The following C6orf62 variants were observed in gnomAD, a reference collection of about 807,000 sequenced individuals.
C6orf62 encodes uncharacterized protein C6orf62.
A neutral mutation model predicts 26.8 loss-of-function variants in C6orf62; 16 were observed. That is an observed-to-expected ratio of 0.60 (90% confidence interval 0.40 to 0.91). C6orf62 has a LOEUF of 0.91. Among genes scored for constraint, C6orf62 ranks in the 40% least tolerant of loss-of-function variants. The probability of loss-of-function intolerance (pLI) is 0.00; values close to 1 mark genes in which losing one functional copy is unlikely to be tolerated. For synonymous variants in C6orf62, 112 were observed against 91.5 expected, an observed-to-expected ratio of 1.22 and a Z score of -1.28; for missense variants, 192 against 271.4, an observed-to-expected ratio of 0.71 and a Z score of 2.06.
intron 3 of C6orf62, chr6:24,709,795 A>G (rs1779084484): frequency 1.0e-6 from 1 of 985,368 alleles, no homozygotes; most frequent in East Asian, 1.1e-4. Context: ...GCTACATGAC[A>G]TGACCAGGCT....
In C6orf62 at chr6:24,719,061, A is replaced by C. The variant is rs1211276421; in HGVS notation, c.-393T>G. 1 of 1,012,036 alleles carries C rather than the reference A, an allele frequency of 9.9e-7. No individual in the cohort carries two copies. Among genetic ancestry groups the C allele is most frequent in the African/African-American group, 1.7e-5 (1 of 57,258 alleles). The allele number at this position is 1,012,036 out of a possible 1,614,324, so 62.7% of individuals were successfully genotyped here. A position where few individuals can be genotyped will look rare whatever the true frequency, so the allele number is the denominator to read the frequency against. Reference sequence around the variant, plus strand: ...TTAGGTGTGCAATAAAACACAGCTGACACCAGACCAATCCCTAAAATCCAT... The same window carrying C: ...TTAGGTGTGCAATAAAACACAGCTGCCACCAGACCAATCCCTAAAATCCAT... On this transcript the variant is annotated 5_prime_UTR_variant, in exon 1 of 5. Coordinates refer to ENST00000378119, the MANE Select transcript of C6orf62 (RefSeq NM_030939.5).
At chr6:24,706,944 G>T (rs1581392868) in intron 4 of C6orf62, 1 of 152,042 alleles carries the variant, frequency 6.6e-6, no homozygotes, top group Non-Finnish European at 1.5e-5. Flanking sequence ...ATATCCTGGG[G>T]TAAGGGACTA....
chr6:24,713,092 CCCAG>C (rs1200378589), intron 3 of C6orf62, among the ~76,000 whole-genome samples: 3 of 152,052 alleles, frequency 2.0e-5, no homozygotes, highest in Non-Finnish European at 4.4e-5. Context: ...TCCTGATAAA[CCCAG>C]TGTAAGTTAC....
rs1446577985 is a variant in C6orf62 at position 24,718,604 on chromosome 6, T to C, written c.65A>G (p.Lys22Arg). The C allele has an allele frequency of 6.2e-7, 1 of 1,614,000 alleles. No individual in the cohort carries two copies. Among genetic ancestry groups the C allele is most frequent in the Non-Finnish European group, 8.5e-7 (1 of 1,180,022 alleles). ...LNRLRAQLRK[K>R]KESLADQFDF... ...AAACTGGTCAGCTAGAGATTCTTTT[T>C]TCTTTCTAAGCTGAGCACGTAGTCT... is the stretch of plus-strand genomic sequence containing the variant. The change falls in exon 1 of 5, where the codon AAA becomes AGA. Residue 22 changes from lysine to arginine, a missense_variant. Physicochemically the swap from Lys to Arg is conservative, Grantham distance 26. Transcript: ENST00000378119.
intron 3 of C6orf62, chr6:24,709,346 G>C: frequency 1.0e-6 from 1 of 984,986 alleles, no homozygotes; most frequent in Non-Finnish European, 1.2e-6. Context: ...TCCCACCATA[G>C]TACTTTAAGC....
chr6:24,708,955 A>G (rs1443610134), intron 3 of C6orf62, 44 bp from the exon 4 acceptor site: 1 of 1,612,182 alleles, frequency 6.2e-7, no homozygotes, highest in Admixed American at 1.7e-5. Flanking sequence ...CAAACAAGTT[A>G]TACTACCTAT....
At chr6:24,720,011 A>ACGGGGG, upstream of C6orf62, 14 of 1,502,064 alleles carry the variant, frequency 9.3e-6, no homozygotes, top group South Asian at 2.6e-5. Context: ...CTTCTAAAGT[A>ACGGGGG]AGCCCACCCA....
intron 3 of C6orf62, chr6:24,709,842 G>T: frequency 5.1e-6 from 5 of 985,314 alleles, no homozygotes; most frequent in Non-Finnish European, 6.0e-6. Context: ...TTAACAATAT[G>T]ATATTTAGAC....
chr6:24,719,710 G>T, upstream of C6orf62: 1 of 1,501,676 alleles, frequency 6.7e-7, no homozygotes, highest in Admixed American at 2.2e-5. Context: ...CGTTCAAAAT[G>T]GTGGGGAGTG....
At chr6:24,706,820 T>A (rs1308043395) in intron 4 of C6orf62, 1 of 153,488 alleles carries the variant, frequency 6.5e-6, no homozygotes, top group African/African-American at 2.4e-5. Context: ...CTGAGGTGGA[T>A]AACCTGCGCC....
At chr6:24,715,848 C>CAA (rs139717677) in intron 2 of C6orf62, among the ~76,000 whole-genome samples, 4,709 of 63,136 alleles carry the variant, frequency 0.075, 472 homozygotes, top group East Asian at 0.46. Flanking sequence ...GACTTTGTCT[C>CAA]AAAAAAAAAA....
intron 1 of C6orf62, among the ~76,000 whole-genome samples, chr6:24,717,382 T>C (rs1041152628): frequency 6.6e-6 from 1 of 152,216 alleles, no homozygotes; most frequent in African/African-American, 2.4e-5. Flanking sequence ...AGTGGAGATG[T>C]AAGTCCTTGA....
At chr6:24,715,197 T>C (rs76331182) in intron 2 of C6orf62, among the ~76,000 whole-genome samples, 3,898 of 152,348 alleles carry the variant, frequency 0.026, 151 homozygotes, top group African/African-American at 0.085. Flanking sequence ...TGCTTCATTA[T>C]TGTAGCCAGC....
At chr6:24,720,270 T>TGGCGGCGGCGGAAGAGGC (rs987007650), upstream of C6orf62, 16 of 1,294,452 alleles carry the variant, frequency 1.2e-5, no homozygotes, top group Admixed American at 7.8e-5. Flanking sequence ...GGCGGAGCGG[T>TGGCGGCGGCGGAAGAGGC]GGCGGCGGCG....
intron 1 of C6orf62, among the ~76,000 whole-genome samples, chr6:24,718,141 T>C (rs1779271189): frequency 6.6e-6 from 1 of 152,244 alleles, no homozygotes; most frequent in African/African-American, 2.4e-5. Flanking sequence ...AGAAACAGGA[T>C]AAACTTTAGC....
chr6:24,717,599 G>C (rs1305818362), intron 1 of C6orf62, among the ~76,000 whole-genome samples: 1 of 152,188 alleles, frequency 6.6e-6, no homozygotes, highest in Non-Finnish European at 1.5e-5. Flanking sequence ...TTCAAGACTA[G>C]CCTGGGCAAT....
At chr6:24,720,696 G>A (rs1306823510), upstream of C6orf62, 1 of 152,544 alleles carries the variant, frequency 6.6e-6, no homozygotes, top group Non-Finnish European at 1.5e-5. Flanking sequence ...CTCAGGAAAG[G>A]TCGAGGAGAC....
Position 24,708,777 on chromosome 6 carries a change from C to T in C6orf62, c.564G>A (p.Gln188=). Reference sequence around the variant, plus strand: ...AGTGGTTTTCAAAAAAGCTGCTTACCTGCAAGTGCTGTCTGTCAATGAAGA... The same window carrying T: ...AGTGGTTTTCAAAAAAGCTGCTTACTTGCAAGTGCTGTCTGTCAATGAAGA... ...VFLFIDRQHL[Q]TPKNKATIFK... is the part of the protein sequence containing the mutation. The change falls in exon 4 of 5, where the codon CAG becomes CAA. Residue 188 remains glutamine, a splice_region_variant and synonymous_variant. Coordinates refer to ENST00000378119, the MANE Select transcript of C6orf62 (RefSeq NM_030939.5). The T allele has an allele frequency of 1.2e-6, 2 of 1,614,136 alleles. No homozygotes were observed. The highest frequency in any genetic ancestry group is 1.1e-5 in the South Asian group (1 of 91,078).
At chr6:24,714,217 T>C in intron 3 of C6orf62, 101 bp downstream of exon 3, 1 of 904,142 alleles carries the variant, frequency 1.1e-6, no homozygotes, top group East Asian at 2.7e-5. Context: ...GAAATAAAAC[T>C]ATCAGAAACC....
Sources: allele counts gnomAD v4.1 joint callset (sites outside exome capture counted in the v4.1 genomes callset), GRCh38; gene constraint gnomAD v4.1.1; transcripts MANE v1.5; gene names NCBI Gene and HGNC (gene_info 2026-07-23, HGNC 2026-07-21).